AFF1: variants seen among roughly 807,000 people sequenced by gnomAD.
AFF1 encodes ALF transcription elongation factor 1, also known as AF4/FMR2 family member 1.
A neutral mutation model predicts 121.7 loss-of-function variants in AFF1; 48 were observed. The ratio of observed to expected loss-of-function variants is 0.39; its 90% CI spans 0.31 to 0.50. The LOEUF (loss-of-function observed/expected upper bound fraction) is 0.50. Ranked by LOEUF, AFF1 falls within the 20% of genes least tolerant of loss-of-function variation. AFF1 has a pLI of 0.76. For missense variants in AFF1, 1,523 were observed against 1,511.7 expected, an observed-to-expected ratio of 1.01 and a Z score of -0.12; for synonymous variants, 613 against 563.0, an observed-to-expected ratio of 1.09 and a Z score of -1.26.
At chr4:87,104,453 A>G (rs775842913) in intron 8 of AFF1, among the ~76,000 whole-genome samples, 35 of 152,384 alleles carry the variant, frequency 2.3e-4, no homozygotes, top group Admixed American at 1.0e-3. Context: ...ATCTACATTT[A>G]CAAGTTGCTA....
chr4:87,027,184 G>A (rs533425790), intron 2 of AFF1, among the ~76,000 whole-genome samples: 26 of 152,352 alleles, frequency 1.7e-4, no homozygotes, highest in Admixed American at 3.3e-4. Context: ...AACTTCCCAG[G>A]TGGGAATCTG....
intron 2 of AFF1, among the ~76,000 whole-genome samples, chr4:86,983,598 G>A (rs1268169496): frequency 2.0e-5 from 3 of 151,902 alleles, no homozygotes; most frequent in Non-Finnish European, 2.9e-5. Flanking sequence ...GGTGGTGCAC[G>A]TCTTTAATCT....
intron 2 of AFF1, among the ~76,000 whole-genome samples, chr4:87,035,564 G>GA (rs11434868): frequency 0.46 from 67,654 of 146,906 alleles, 17,035 homozygotes; most frequent in South Asian, 0.66. Context: ...CCGTCCCAAG[G>GA]AAAAAAAAAA....
At chr4:86,980,051 C>T (rs756116428) in intron 2 of AFF1, among the ~76,000 whole-genome samples, 4 of 152,152 alleles carry the variant, frequency 2.6e-5, no homozygotes, top group Non-Finnish European at 2.9e-5. Context: ...GGTGGGACTA[C>T]AGGCATGTGC....
intron 4 of AFF1, among the ~76,000 whole-genome samples, chr4:87,061,964 T>A (rs17012341): frequency 0.051 from 7,807 of 152,282 alleles, 371 homozygotes; most frequent in African/African-American, 0.12. Context: ...AGTCTTTAAA[T>A]GTATGATTCA....
intron 2 of AFF1, among the ~76,000 whole-genome samples, chr4:86,965,013 TAGAG>T (rs1235866059): frequency 6.6e-6 from 1 of 152,186 alleles, no homozygotes; most frequent in African/African-American, 2.4e-5. Flanking sequence ...GTTGCTGTCA[TAGAG>T]AGATGGAGGA....
intron 2 of AFF1, among the ~76,000 whole-genome samples, chr4:87,011,001 C>A (rs1033121252): frequency 4.0e-5 from 6 of 148,976 alleles, no homozygotes; most frequent in Non-Finnish European, 7.4e-5. Context: ...ATGGCGTGAA[C>A]CTGGGAGGTG....
At chr4:87,097,684 G>T (rs768757268) in intron 8 of AFF1, among the ~76,000 whole-genome samples, 1 of 152,156 alleles carries the variant, frequency 6.6e-6, no homozygotes, top group African/African-American at 2.4e-5. Context: ...TGATACTGAG[G>T]CCGAGTAGAT....
intron 4 of AFF1, among the ~76,000 whole-genome samples, chr4:87,062,674 A>C (rs1030226391): frequency 2.0e-5 from 3 of 152,192 alleles, no homozygotes; most frequent in Non-Finnish European, 4.4e-5. Flanking sequence ...TGTTTTAAAC[A>C]TTCATCAGCA....
chr4:86,948,383 T>C, intron 1 of AFF1, 115 bp from the exon 2 acceptor site: 1 of 654,970 alleles, frequency 1.5e-6, no homozygotes, highest in Non-Finnish European at 2.5e-6. Context: ...AACCATTTTC[T>C]AATTCAAATG....
chr4:86,950,116 A>G lies in AFF1; in HGVS notation c.38+1545A>G, dbSNP rs140927561. 2,766 of 1,611,710 alleles carry G rather than the reference A, an allele frequency of 1.7e-3. 38 individuals carry two copies. The African/African-American group carries it at 0.032, about 19-fold the overall frequency. On this transcript the variant is annotated intron_variant, in intron 2 of 20. Transcript: ENST00000395146. The stretch of plus-strand genomic sequence containing the variant: ...AGTAGGTGCAGTTCTGAAAGGGAGC[A>G]GGGCAGGGATGGGACTTGGGCCAGC...
At chr4:87,085,645 T>C (rs770429429) in intron 5 of AFF1, among the ~76,000 whole-genome samples, 6 of 152,188 alleles carry the variant, frequency 3.9e-5, no homozygotes, top group Non-Finnish European at 7.3e-5. Flanking sequence ...ACAGTAGTAG[T>C]ATCTAACCAG....
At chr4:86,983,065 G>A (rs550624520) in intron 2 of AFF1, among the ~76,000 whole-genome samples, 1 of 152,130 alleles carries the variant, frequency 6.6e-6, no homozygotes, top group Admixed American at 6.5e-5. Flanking sequence ...TGTTTTATAA[G>A]CCTGAGTTAG....
intron 2 of AFF1, among the ~76,000 whole-genome samples, chr4:86,971,918 C>G (rs1320636894): frequency 6.6e-6 from 1 of 152,104 alleles, no homozygotes; most frequent in Non-Finnish European, 1.5e-5. Flanking sequence ...TGGAGGATCA[C>G]TTGAGCCCAG....
intron 12 of AFF1, among the ~76,000 whole-genome samples, chr4:87,120,980 C>T (rs1188982020): frequency 6.6e-6 from 1 of 151,562 alleles, no homozygotes. Context: ...CCTTTTATGG[C>T]CTTCACTCTT....
intron 2 of AFF1, among the ~76,000 whole-genome samples, chr4:86,949,182 T>TA (rs1560495265): frequency 1.7e-3 from 98 of 56,100 alleles, no homozygotes; most frequent in Non-Finnish European, 2.1e-3. Context: ...ATATATATAT[T>TA]TTTTTTTTTT....
intron 2 of AFF1, among the ~76,000 whole-genome samples, chr4:86,983,114 GC>G (rs1281401620): frequency 6.6e-6 from 1 of 152,110 alleles, no homozygotes; most frequent in Non-Finnish European, 1.5e-5. Flanking sequence ...GTCAGGCCAG[GC>G]ACAGTGGGCT....
chr4:87,084,797 G>T (rs1416382784), intron 5 of AFF1, among the ~76,000 whole-genome samples: 1 of 152,032 alleles, frequency 6.6e-6, no homozygotes, highest in Non-Finnish European at 1.5e-5. Flanking sequence ...GGCATCTCTC[G>T]TTAAGTTTTT....
At chr4:87,119,328 C>T (rs1253484483) in intron 12 of AFF1, among the ~76,000 whole-genome samples, 1 of 152,146 alleles carries the variant, frequency 6.6e-6, no homozygotes, top group Non-Finnish European at 1.5e-5. Context: ...CTTGTAATCC[C>T]TGCCCTTTGA....
Sources: gnomAD v4.1 joint callset for allele counts (sites outside exome capture counted in the v4.1 genomes callset) on GRCh38, gnomAD v4.1.1 for gene constraint, MANE v1.5 for transcripts, NCBI Gene and HGNC (gene_info 2026-07-23, HGNC 2026-07-21) for gene names.